Variants in CDKAL1 observed in about 807,000 individuals in gnomAD.
The protein encoded by CDKAL1 is threonylcarbamoyladenosine tRNA methylthiotransferase.
CDKAL1 carries 32 observed loss-of-function variants against 68.2 expected under a neutral mutation model. The ratio of observed to expected loss-of-function variants is 0.47; its 90% CI spans 0.35 to 0.63. The LOEUF (loss-of-function observed/expected upper bound fraction) is 0.63, where lower values mean the gene tolerates loss of function less well. Among genes scored for constraint, CDKAL1 ranks in the 30% least tolerant of loss-of-function variants. CDKAL1 has a pLI of 0.00. For synonymous variants in CDKAL1, 234 were observed against 244.3 expected, an observed-to-expected ratio of 0.96 and a Z score of 0.39; for missense variants, 606 against 696.7, an observed-to-expected ratio of 0.87 and a Z score of 1.47.
intron 13 of CDKAL1, among the ~76,000 whole-genome samples, chr6:21,192,619 T>A (rs924605788): frequency 6.6e-6 from 1 of 151,458 alleles, no homozygotes; most frequent in African/African-American, 2.5e-5. Context: ...GCTTTGTAAA[T>A]GGAAACTGAG....
intron 9 of CDKAL1, among the ~76,000 whole-genome samples, chr6:20,882,878 G>C (rs773172899): frequency 5.3e-5 from 8 of 152,174 alleles, no homozygotes; most frequent in Non-Finnish European, 1.0e-4. Context: ...CTGATTCCTA[G>C]AGTCAGTGTC....
At chr6:20,876,445 C>G (rs1440107488) in intron 9 of CDKAL1, among the ~76,000 whole-genome samples, 1 of 152,202 alleles carries the variant, frequency 6.6e-6, no homozygotes, top group African/African-American at 2.4e-5. Context: ...TCCCCAAAAC[C>G]TTCTTTGGCA....
intron 13 of CDKAL1, among the ~76,000 whole-genome samples, chr6:21,136,877 C>T (rs1294998093): frequency 1.3e-5 from 2 of 152,140 alleles, no homozygotes; most frequent in Non-Finnish European, 2.9e-5. Context: ...TTTCTTTGGA[C>T]GCCTTCTCAA....
At chr6:20,957,689 G>C (rs1581912568) in intron 10 of CDKAL1, among the ~76,000 whole-genome samples, 2 of 152,146 alleles carry the variant, frequency 1.3e-5, no homozygotes, top group African/African-American at 4.8e-5. Context: ...AGGAAGAGCT[G>C]CCCAGGCTCA....
At chr6:20,806,620 T>G (rs1156522854) in intron 8 of CDKAL1, among the ~76,000 whole-genome samples, 1 of 152,112 alleles carries the variant, frequency 6.6e-6, no homozygotes, top group Admixed American at 6.6e-5. Context: ...TTCTCCACAA[T>G]CTCACCAGTA....
chr6:20,955,239 C>G (rs1050954420), intron 9 of CDKAL1, among the ~76,000 whole-genome samples, 180 bp from the exon 10 acceptor site: 6 of 152,114 alleles, frequency 3.9e-5, no homozygotes, highest in Admixed American at 3.9e-4. Flanking sequence ...CTCTGGTGTT[C>G]GTAAAATGAA....
At chr6:20,691,731 G>T (rs543388426) in intron 5 of CDKAL1, among the ~76,000 whole-genome samples, 1 of 152,210 alleles carries the variant, frequency 6.6e-6, no homozygotes, top group Admixed American at 6.5e-5. Flanking sequence ...CTCATTATGC[G>T]TCTCAGTCTC....
intron 13 of CDKAL1, among the ~76,000 whole-genome samples, chr6:21,157,016 G>A (rs892857301): frequency 1.3e-5 from 2 of 152,032 alleles, no homozygotes; most frequent in East Asian, 1.9e-4. Flanking sequence ...CTTTTTCTGC[G>A]CCATATTCTT....
intron 11 of CDKAL1, among the ~76,000 whole-genome samples, chr6:21,012,856 G>C (rs1343404176): frequency 6.6e-6 from 1 of 152,184 alleles, no homozygotes; most frequent in Non-Finnish European, 1.5e-5. Context: ...AATTGCTTTA[G>C]GGGTTGTACA....
intron 11 of CDKAL1, among the ~76,000 whole-genome samples, chr6:21,057,429 C>G (rs1381054459): frequency 1.3e-5 from 2 of 149,248 alleles, no homozygotes; most frequent in African/African-American, 4.9e-5. Context: ...ATTAGTCCAG[C>G]TAGTAGTCTA....
At chr6:21,079,474 A>T (rs1212648571) in intron 12 of CDKAL1, among the ~76,000 whole-genome samples, 2 of 152,220 alleles carry the variant, frequency 1.3e-5, no homozygotes, top group Non-Finnish European at 2.9e-5. Context: ...GAGACTTTAG[A>T]TACGTCTTCT....
chr6:21,079,976 C>CTCTGTGTGTGTGTGTGTGTGTG lies in CDKAL1; in HGVS notation c.1236+14749_1236+14750insCTGTGTGTGTGTGTGTGTGTGT, dbSNP rs1554171489. 3.2e-4 allele frequency among the ~76,000 whole-genome samples: 44 copies of CTCTGTGTGTGTGTGTGTGTGTG among 135,840 alleles called. 1 individual carries two copies. Among genetic ancestry groups the CTCTGTGTGTGTGTGTGTGTGTG allele is most frequent in the African/African-American group, 1.1e-3 (41 of 36,076 alleles). 89.1% of individuals were successfully genotyped at this position (135,840 alleles called of 152,430 possible). Reference sequence around the variant, plus strand: ...TAAGATAAGCTTATCAACTTTGTCTCTGTGTGTGTGTGTGTGTGTGTGTGT... The same window carrying CTCTGTGTGTGTGTGTGTGTGTG: ...TAAGATAAGCTTATCAACTTTGTCTCTCTGTGTGTGTGTGTGTGTGTGTGTGTGTGTGTGTGTGTGTGTGTGT... On this transcript the variant is annotated intron_variant, in intron 12 of 15. Coordinates refer to ENST00000274695, the MANE Select transcript of CDKAL1 (RefSeq NM_017774.3).
Position 21,232,363 on chromosome 6 carries a change from CTTCT to C in CDKAL1, c.*1331_*1334del, listed in dbSNP as rs1481396250. On this transcript the variant is annotated 3_prime_UTR_variant, in exon 16 of 16. Coordinates refer to ENST00000274695, the MANE Select transcript of CDKAL1 (RefSeq NM_017774.3). ...CATTGGTCTTTACTAAGTGAAGTGA[CTTCT>C]TTCTTTAACAATAAATAGAATTGGT... 2 of 152,288 alleles carry C rather than the reference CTTCT, an allele frequency of 1.3e-5. No homozygotes were observed. The highest frequency in any genetic ancestry group is 1.9e-4 in the East Asian group (1 of 5,180). 9.4% of individuals were successfully genotyped at this position (152,288 alleles called of 1,614,324 possible).
At chr6:20,936,533 A>T (rs1202793173) in intron 9 of CDKAL1, among the ~76,000 whole-genome samples, 3 of 150,564 alleles carry the variant, frequency 2.0e-5, no homozygotes, top group Non-Finnish European at 3.0e-5. Flanking sequence ...TACAGGCGTG[A>T]GCCACCGCGC....
intron 9 of CDKAL1, among the ~76,000 whole-genome samples, chr6:20,850,152 A>G (rs1758932354): frequency 6.6e-6 from 1 of 152,184 alleles, no homozygotes; most frequent in Non-Finnish European, 1.5e-5. Flanking sequence ...CTTATAATGA[A>G]TAAGAAACAT....
At chr6:21,060,862 C>G (rs1478201073) in intron 11 of CDKAL1, among the ~76,000 whole-genome samples, 1 of 151,946 alleles carries the variant, frequency 6.6e-6, no homozygotes, top group African/African-American at 2.4e-5. Context: ...TAGGTCTAGT[C>G]CTTTGCTGAT....
At chr6:21,181,057 CACAG>C (rs1777769834) in intron 13 of CDKAL1, among the ~76,000 whole-genome samples, 1 of 152,128 alleles carries the variant, frequency 6.6e-6, no homozygotes, top group African/African-American at 2.4e-5. Flanking sequence ...CAGAGACAGA[CACAG>C]ACAGAAAGAA....
At chr6:21,051,237 A>C (rs1217957311) in intron 11 of CDKAL1, among the ~76,000 whole-genome samples, 1 of 152,144 alleles carries the variant, frequency 6.6e-6, no homozygotes, top group Non-Finnish European at 1.5e-5. Context: ...CACACCTGTA[A>C]TCTCGGCTAC....
In CDKAL1 at chr6:20,760,116, C is replaced by CT. The variant is rs11415727; in HGVS notation, c.517+1480dup. Among the ~76,000 whole-genome samples the CT allele has an allele frequency of 5.1e-3, 774 of 151,508 alleles. 6 individuals are homozygous for CT. Among genetic ancestry groups the CT allele is most frequent in the African/African-American group, 0.017 (715 of 41,382 alleles). ...TATGAGAATGAGACTATACCTTAATCTTTTTTTATTATTTTTTAATTTTTA... is the reference window on the plus strand; with the variant it reads ...TATGAGAATGAGACTATACCTTAATCTTTTTTTTATTATTTTTTAATTTTTA... On this transcript the variant is annotated intron_variant, in intron 7 of 15. Coordinates refer to ENST00000274695, the MANE Select transcript of CDKAL1 (RefSeq NM_017774.3).
Sources: allele counts gnomAD v4.1 joint callset (sites outside exome capture counted in the v4.1 genomes callset), GRCh38; gene constraint gnomAD v4.1.1; transcripts MANE v1.5; gene names NCBI Gene and HGNC (gene_info 2026-07-23, HGNC 2026-07-21).